AOPEP: variants seen among roughly 807,000 people sequenced by gnomAD.
The protein encoded by AOPEP is aminopeptidase O.
A neutral mutation model predicts 98.1 loss-of-function variants in AOPEP; 77 were observed. The observed-to-expected ratio is 0.78, with a 90% CI of 0.65 to 0.95. The LOEUF (loss-of-function observed/expected upper bound fraction) is 0.95, where lower values mean the gene tolerates loss of function less well. AOPEP is among the 40% of genes least tolerant of loss of function. The pLI, the probability that AOPEP is intolerant of heterozygous loss-of-function variation, is 0.00. For missense variants in AOPEP, 1,024 were observed against 1,024.7 expected (o/e 1.00, Z 0.01); for synonymous variants, 346 against 365.3 (o/e 0.95, Z 0.60).
chr9:95,003,647 TTATA>T (rs923081985), intron 11 of AOPEP, among the ~76,000 whole-genome samples: 2 of 152,238 alleles, frequency 1.3e-5, no homozygotes, highest in Non-Finnish European at 1.5e-5. Context: ...CATTAACTAT[TTATA>T]TATATTTCCT....
rs191019790 is a variant in AOPEP, at chr9:94,927,326, A to G, written c.1555-1099A>G. 2.4e-4 allele frequency among the ~76,000 whole-genome samples: 36 copies of G among 152,038 alleles called. 1 individual carries two copies. The East Asian group carries it at 3.5e-3, about 15-fold the overall frequency. ...CACCGGGGTAAGGCCTTCAACACAT[A>G]TATTTTGTGGAGACACAGTTTAGTC... On this transcript the variant is annotated intron_variant, in intron 6 of 16. Transcript: ENST00000375315.
At chr9:95,148,030 A>G in the AOPEP span, among the ~76,000 whole-genome samples, 17 of 152,186 alleles carry the variant, frequency 1.1e-4, no homozygotes, top group Non-Finnish European at 1.5e-5. Context: ...TGATAGCGCA[A>G]AAGCAACAGT....
intron 10 of AOPEP, among the ~76,000 whole-genome samples, chr9:94,973,055 T>G (rs2059627385): frequency 6.6e-6 from 1 of 152,232 alleles, no homozygotes; most frequent in Non-Finnish European, 1.5e-5. Context: ...TAAATTGAAT[T>G]CCAGAAAAGG....
chr9:94,760,596 A>T lies in AOPEP; in HGVS notation c.797+16A>T, dbSNP rs759528062. 1 of 1,525,610 alleles carries T rather than the reference A, an allele frequency of 6.6e-7. No homozygotes were observed. Among genetic ancestry groups the T allele is most frequent in the Non-Finnish European group, 8.8e-7 (1 of 1,139,690 alleles). The allele number at this position is 1,525,610 out of a possible 1,614,324, so 94.5% of individuals were successfully genotyped here. ...AGAGTGGCAGGTAGGTTATCCAAGC[A>T]CTTCAAAGCCCTGTGCCTGTTAATC... On this transcript the variant is annotated intron_variant, in intron 2 of 16. Coordinates refer to ENST00000375315, the MANE Select transcript of AOPEP (RefSeq NM_001193329.3).
chr9:94,808,799 G>A (rs985108208), intron 5 of AOPEP, among the ~76,000 whole-genome samples: 3 of 152,240 alleles, frequency 2.0e-5, no homozygotes, highest in African/African-American at 7.2e-5. Flanking sequence ...TGTGAGCCTG[G>A]TCCTACCCAC....
At chr9:95,010,228 T>C (rs1353665427) in intron 13 of AOPEP, among the ~76,000 whole-genome samples, 1 of 152,226 alleles carries the variant, frequency 6.6e-6, no homozygotes, top group Non-Finnish European at 1.5e-5. Flanking sequence ...TTTTAAACTA[T>C]TTAACAAAGT....
chr9:94,764,127 A>G (rs1839023701), intron 2 of AOPEP, among the ~76,000 whole-genome samples: 1 of 152,216 alleles, frequency 6.6e-6, no homozygotes, highest in Admixed American at 6.5e-5. Context: ...ATTTATGGGG[A>G]TAGTTTATTC....
intron 13 of AOPEP, chr9:95,019,847 G>T (rs1003869939): frequency 3.9e-5 from 6 of 152,250 alleles, no homozygotes; most frequent in African/African-American, 1.4e-4. Flanking sequence ...AAAATAACCG[G>T]AAGATTATAA....
chr9:95,107,302 G>A, the AOPEP span: 3 of 1,599,882 alleles, frequency 1.9e-6, no homozygotes, highest in East Asian at 6.7e-5. Context: ...GGAGAGGTTA[G>A]GAAGAGGCAG....
the AOPEP span, among the ~76,000 whole-genome samples, chr9:95,095,731 G>A: frequency 2.0e-5 from 3 of 152,130 alleles, no homozygotes; most frequent in Non-Finnish European, 4.4e-5. Context: ...GCAGGGATGC[G>A]CTGGAGCCTT....
At chr9:94,871,388 C>G (rs1244188833) in intron 5 of AOPEP, among the ~76,000 whole-genome samples, 1 of 152,202 alleles carries the variant, frequency 6.6e-6, no homozygotes, top group Non-Finnish European at 1.5e-5. Flanking sequence ...ACATACCACC[C>G]TGCGTAATGG....
At chr9:94,943,935 A>AAAAAAAAAAAC (rs1564424085) in intron 7 of AOPEP, among the ~76,000 whole-genome samples, 12 of 146,152 alleles carry the variant, frequency 8.2e-5, no homozygotes, top group African/African-American at 3.2e-4. Context: ...AAAAAAAAAA[A>AAAAAAAAAAAC]AAAAAAAAAA....
chr9:94,791,108 G>A (rs1271841923), intron 3 of AOPEP, among the ~76,000 whole-genome samples: 2 of 152,098 alleles, frequency 1.3e-5, no homozygotes, highest in Non-Finnish European at 2.9e-5. Flanking sequence ...ATCGATGTTA[G>A]ACTGAATAAA....
At chr9:95,006,599 C>T (rs903420089) in intron 13 of AOPEP, among the ~76,000 whole-genome samples, 15 of 152,128 alleles carry the variant, frequency 9.9e-5, no homozygotes, top group African/African-American at 3.4e-4. Context: ...AGGAACCAGC[C>T]TGCGAATATA....
intron 13 of AOPEP, among the ~76,000 whole-genome samples, chr9:95,044,410 G>A (rs2065645638): frequency 6.6e-6 from 1 of 152,104 alleles, no homozygotes; most frequent in Non-Finnish European, 1.5e-5. Flanking sequence ...GGGATTAAAA[G>A]TAAAGACATC....
chr9:95,110,270 TTC>T, the AOPEP span: 1 of 1,010,720 alleles, frequency 9.9e-7, no homozygotes, highest in Non-Finnish European at 1.2e-6. Flanking sequence ...TCAAAAGTGA[TTC>T]TCTGTCAGTA....
At chr9:94,833,322 T>G (rs1413372855) in intron 5 of AOPEP, among the ~76,000 whole-genome samples, 1 of 136,900 alleles carries the variant, frequency 7.3e-6, no homozygotes, top group East Asian at 2.3e-4. Context: ...ACGGCAACCT[T>G]TGCCTCCTAG....
rs754310678 is a variant in AOPEP at position 95,005,016 on chromosome 9, AGGGCGCG to A, written c.1978-139_1978-133del. 401 of 197,022 alleles carry A rather than the reference AGGGCGCG, an allele frequency of 2.0e-3. 1 individual carries two copies. Among genetic ancestry groups the A allele is most frequent in the Admixed American group, 3.6e-3 (55 of 15,086 alleles). The allele number at this position is 197,022 out of a possible 1,614,324, so 12.2% of individuals were successfully genotyped here. A position where few individuals can be genotyped will look rare whatever the true frequency, so the allele number is the denominator to read the frequency against. ...GGTGATGCGGACCCCGGGCGGGCGCAGGGCGCGGGCTCCGGCGCCGCCGCTGCGTCCT... is the reference window on the plus strand; with the variant it reads ...GGTGATGCGGACCCCGGGCGGGCGCAGGCTCCGGCGCCGCCGCTGCGTCCT... On this transcript the variant is annotated intron_variant, in intron 11 of 16. Transcript: ENST00000375315.
chr9:94,977,770 G>T (rs1342194773), intron 10 of AOPEP, among the ~76,000 whole-genome samples: 1 of 152,134 alleles, frequency 6.6e-6, no homozygotes, highest in Non-Finnish European at 1.5e-5. Context: ...AGGTCTGCCC[G>T]GTAATTCCAC....
Sources: gnomAD v4.1 joint callset for allele counts (sites outside exome capture counted in the v4.1 genomes callset) on GRCh38, gnomAD v4.1.1 for gene constraint, MANE v1.5 for transcripts, NCBI Gene and HGNC (gene_info 2026-07-23, HGNC 2026-07-21) for gene names.